IL31RA: variants seen among roughly 807,000 people sequenced by gnomAD.
IL31RA encodes interleukin-31 receptor subunit alpha.
Under a neutral mutation model 83.7 loss-of-function variants are expected in IL31RA, and 66 were observed. That is an observed-to-expected ratio of 0.79 (90% CI 0.65 to 0.97). IL31RA has a LOEUF of 0.97. Ranked by LOEUF, IL31RA falls within the 50% of genes least tolerant of loss-of-function variation. The pLI, the probability that IL31RA is intolerant of heterozygous loss-of-function variation, is 0.00. For synonymous variants in IL31RA, 325 were observed against 329.0 expected (o/e 0.99, Z 0.13); for missense variants, 798 against 919.4 (o/e 0.87, Z 1.71).
At chr5:55,878,285 G>C (rs942424573) in intron 4 of IL31RA, among the ~76,000 whole-genome samples, 1 of 151,978 alleles carries the variant, frequency 6.6e-6, no homozygotes, top group Non-Finnish European at 1.5e-5. Flanking sequence ...TTAGCTCTTT[G>C]AACATATTTA....
chr5:55,895,373 C>T (rs1748269086), intron 6 of IL31RA, among the ~76,000 whole-genome samples: 1 of 152,168 alleles, frequency 6.6e-6, no homozygotes, highest in Admixed American at 6.5e-5. Flanking sequence ...CTATAAATTG[C>T]CAGTGAGCCA....
At chr5:55,906,539 A>G (rs1749171465) in intron 9 of IL31RA, among the ~76,000 whole-genome samples, 1 of 152,194 alleles carries the variant, frequency 6.6e-6, no homozygotes, top group African/African-American at 2.4e-5. Flanking sequence ...AACACCCACC[A>G]TCAGAGAGTC....
chr5:55,853,666 C>A (rs1472467919), intron 1 of IL31RA: 2 of 1,234,328 alleles, frequency 1.6e-6, no homozygotes, highest in Non-Finnish European at 2.3e-6. Context: ...TGGGTCAGAC[C>A]CACCACGTGA....
chr5:55,907,723 A>T (rs1479045425), intron 10 of IL31RA, among the ~76,000 whole-genome samples: 1 of 152,268 alleles, frequency 6.6e-6, no homozygotes, highest in Non-Finnish European at 1.5e-5. Flanking sequence ...AGTCACAAAT[A>T]AACAGTGCAA....
At chr5:55,896,930 C>T (rs1212026433) in intron 7 of IL31RA, among the ~76,000 whole-genome samples, 3 of 79,390 alleles carry the variant, frequency 3.8e-5, no homozygotes, top group South Asian at 5.2e-4. Context: ...GATCCTCCCA[C>T]TTCACCTTCC....
At chr5:55,914,993 G>A in intron 14 of IL31RA, 65 bp downstream of exon 14, 1 of 1,208,276 alleles carries the variant, frequency 8.3e-7, no homozygotes, top group Non-Finnish European at 1.2e-6. Flanking sequence ...GAATGGAGAT[G>A]GGGAAAGAGT....
chr5:55,901,834 C>T (rs1357979162), intron 8 of IL31RA, among the ~76,000 whole-genome samples: 2 of 151,984 alleles, frequency 1.3e-5, no homozygotes, highest in Non-Finnish European at 2.9e-5. Context: ...AGGCTGGTCT[C>T]GAACTCCTGA....
chr5:55,888,877 C>G (rs1747804630), intron 5 of IL31RA, among the ~76,000 whole-genome samples: 1 of 152,324 alleles, frequency 6.6e-6, no homozygotes, highest in Non-Finnish European at 1.5e-5. Context: ...TGTCAGCTTT[C>G]TGCCATAGAC....
At chr5:55,897,311 A>G (rs1748464657) in intron 7 of IL31RA, among the ~76,000 whole-genome samples, 1 of 151,654 alleles carries the variant, frequency 6.6e-6, no homozygotes, top group Non-Finnish European at 1.5e-5. Context: ...CATCTTGCAG[A>G]TGGCCCAAAC....
chr5:55,867,108 T>C (rs547444291), intron 2 of IL31RA, among the ~76,000 whole-genome samples: 5,575 of 130,626 alleles, frequency 0.043, 319 homozygotes, highest in African/African-American at 0.063. Flanking sequence ...TTTGTGTGTG[T>C]GTGCATGTGT....
Position 55,917,453 on chromosome 5 carries a change from C to A in IL31RA, c.*333C>A. 1 of 589,076 alleles carries A rather than the reference C, an allele frequency of 1.7e-6. No homozygotes were observed. The highest frequency in any genetic ancestry group is 2.5e-6 in the Non-Finnish European group (1 of 407,816). The allele number at this position is 589,076 out of a possible 1,614,324, so 36.5% of individuals were successfully genotyped here. A position where few individuals can be genotyped will look rare whatever the true frequency, so the allele number is the denominator to read the frequency against. Reference sequence around the variant, plus strand: ...CAAAGGACCCCCAGGGTGGACATATCTGGCCTCCCAGGAATTGGGTCATGG... The same window carrying A: ...CAAAGGACCCCCAGGGTGGACATATATGGCCTCCCAGGAATTGGGTCATGG... On this transcript the variant is annotated 3_prime_UTR_variant, in exon 15 of 15. Coordinates refer to ENST00000652347, the MANE Select transcript of IL31RA (RefSeq NM_139017.7).
intron 8 of IL31RA, among the ~76,000 whole-genome samples, chr5:55,904,891 A>ACATT (rs1329705268): frequency 7.1e-6 from 1 of 140,344 alleles, no homozygotes. Flanking sequence ...ATCATCTCTG[A>ACATT]CATTCATTGA....
chr5:55,898,559 A>G (rs1474567850), intron 7 of IL31RA, among the ~76,000 whole-genome samples: 1 of 151,262 alleles, frequency 6.6e-6, no homozygotes, highest in Non-Finnish European at 1.5e-5. Context: ...TAAAATGTTA[A>G]TATGTTATTT....
In IL31RA at chr5:55,920,238, C is replaced by T. The variant is rs150698911; in HGVS notation, c.*3118C>T. On this transcript the variant is annotated 3_prime_UTR_variant, in exon 15 of 15. Transcript: ENST00000652347. ...GGCTGCTCTGCTGATGCTCTGTGTGCGAGGAAAGCCTGTGCTGGCCTGTCC... is the reference window on the plus strand; with the variant it reads ...GGCTGCTCTGCTGATGCTCTGTGTGTGAGGAAAGCCTGTGCTGGCCTGTCC... Among the ~76,000 whole-genome samples, 12 of 152,288 alleles carry T rather than the reference C, an allele frequency of 7.9e-5. No individual in the cohort carries two copies. Among genetic ancestry groups the T allele is most frequent in the South Asian group, 2.1e-4 (1 of 4,826 alleles).
intron 7 of IL31RA, 105 bp downstream of exon 7, chr5:55,896,534 C>A (rs1251184277): frequency 1.6e-6 from 1 of 615,784 alleles, no homozygotes; most frequent in African/African-American, 2.6e-5. Flanking sequence ...TCCTTCCCTT[C>A]CCTTCCCTTC....
At chr5:55,840,612 C>T in the IL31RA span, among the ~76,000 whole-genome samples, 1 of 152,094 alleles carries the variant, frequency 6.6e-6, no homozygotes, top group African/African-American at 2.4e-5. Flanking sequence ...TTTTGAAGGA[C>T]CTGCTGTTCT....
chr5:55,890,170 T>C (rs1231992227), intron 6 of IL31RA, 35 bp downstream of exon 6: 1 of 1,607,804 alleles, frequency 6.2e-7, no homozygotes, highest in Non-Finnish European at 8.5e-7. Flanking sequence ...TCCTGTCTGC[T>C]CTGGTGTAGG....
intron 2 of IL31RA, among the ~76,000 whole-genome samples, chr5:55,862,666 C>T (rs889959806): frequency 2.6e-5 from 4 of 152,220 alleles, no homozygotes; most frequent in African/African-American, 9.6e-5. Flanking sequence ...CTTGGCCTCC[C>T]AAAGTGCTGG....
At chr5:55,842,870 T>C in the IL31RA span, among the ~76,000 whole-genome samples, 1 of 152,204 alleles carries the variant, frequency 6.6e-6, no homozygotes, top group Non-Finnish European at 1.5e-5. Flanking sequence ...TTGATTCAAT[T>C]GTGTTAATTG....
Sources: allele counts gnomAD v4.1 joint callset (sites outside exome capture counted in the v4.1 genomes callset), GRCh38; gene constraint gnomAD v4.1.1; transcripts MANE v1.5; gene names NCBI Gene and HGNC (gene_info 2026-07-23, HGNC 2026-07-21).